The following NSD1 variants were observed in gnomAD, a reference collection of about 807,000 sequenced individuals.
NSD1 encodes histone-lysine N-methyltransferase, H3 lysine-36 specific.
In NSD1, 26 loss-of-function variants were observed where a neutral mutation model predicts 242.7. That is an observed-to-expected ratio of 0.11 (90% CI 0.08 to 0.15). The LOEUF (loss-of-function observed/expected upper bound fraction) is 0.15. Ranked by LOEUF, NSD1 falls within the 10% of genes least tolerant of loss-of-function variation. The pLI, the probability that NSD1 is intolerant of heterozygous loss-of-function variation, is 1.00. For missense variants in NSD1, 2,495 were observed against 3,272.8 expected (o/e 0.76, Z 5.80); for synonymous variants, 1,106 against 1,178.1 (o/e 0.94, Z 1.25).
At position 177,133,793 on chromosome 5, in the gene NSD1, C is replaced by G. The variant is rs961670114; in HGVS notation, c.-177C>G. 1 of 146,970 alleles carries G rather than the reference C, an allele frequency of 6.8e-6. No homozygotes were observed. The highest frequency in any genetic ancestry group is 1.5e-5 in the Non-Finnish European group (1 of 66,422). The allele number at this position is 146,970 out of a possible 1,614,324, so 9.1% of individuals were successfully genotyped here. A position where few individuals can be genotyped will look rare whatever the true frequency, so the allele number is the denominator to read the frequency against. On this transcript the variant is annotated 5_prime_UTR_variant, in exon 1 of 23. Transcript: ENST00000439151. This position sits in a 1 kb window ranked among gnomAD's most constrained non-coding sequence, Gnocchi z 6.2. The stretch of plus-strand genomic sequence containing the variant: ...AGGAGGAGGCGGCGGCGGAATAGGC[C>G]GGGGCAGGTCGCGCTCGCTGCCTTC...
intron 19 of NSD1, 37 bp from the exon 20 acceptor site, chr5:177,283,750 C>A: frequency 1.2e-6 from 2 of 1,611,268 alleles, no homozygotes; most frequent in Non-Finnish European, 8.5e-7. Flanking sequence ...GCAGAGGTCT[C>A]AGGAAGTCTG....
At chr5:177,278,422 A>T (rs781634483) in intron 17 of NSD1, among the ~76,000 whole-genome samples, 2 of 152,200 alleles carry the variant, frequency 1.3e-5, no homozygotes, top group Non-Finnish European at 2.9e-5. Context: ...CTCCTGTTAA[A>T]TGTTGATAGA....
chr5:177,240,594 T>G (rs1765779389), intron 8 of NSD1, among the ~76,000 whole-genome samples: 1 of 152,058 alleles, frequency 6.6e-6, no homozygotes, highest in Admixed American at 6.6e-5. Context: ...GCGCCTGTAG[T>G]CCCAGCTACT....
chr5:177,195,453 GTCTCTC>G (rs142942152), intron 3 of NSD1, among the ~76,000 whole-genome samples: 8 of 150,742 alleles, frequency 5.3e-5, no homozygotes, highest in Non-Finnish European at 1.0e-4. Context: ...TCATTAGGGT[GTCTCTC>G]TCTCTCTCTC....
Position 177,238,612 on chromosome 5 carries a change from A to C in NSD1, c.4192+105A>C. Reference sequence around the variant, plus strand: ...GCCAACATTGTATCTATATACAATAAACTACCCCCTTTTGTCCTGGGAAAT... The same window carrying C: ...GCCAACATTGTATCTATATACAATACACTACCCCCTTTTGTCCTGGGAAAT... On this transcript the variant is annotated intron_variant, in intron 7 of 22. Transcript: ENST00000439151. The surrounding 1 kb of genome is among the most constrained non-coding windows in gnomAD (Gnocchi z 4.6). 1.6e-6 allele frequency: 2 copies of C among 1,266,024 alleles called. No homozygotes were observed. The highest frequency in any genetic ancestry group is 2.3e-6 in the Non-Finnish European group (2 of 879,500). 78.4% of individuals were successfully genotyped at this position (1,266,024 alleles called of 1,614,324 possible).
intron 2 of NSD1, among the ~76,000 whole-genome samples, chr5:177,182,151 CA>C (rs35298464): frequency 0.28 from 33,360 of 119,334 alleles, 4,346 homozygotes; most frequent in East Asian, 0.52. Context: ...GACTCCGTCT[CA>C]AAAAAAAAAA....
chr5:177,222,626 A>G (rs74994795), intron 5 of NSD1, among the ~76,000 whole-genome samples: 3,483 of 152,192 alleles, frequency 0.023, 54 homozygotes, highest in South Asian at 0.054. Flanking sequence ...CTTTTGGGTC[A>G]TTTATGTATT....
chr5:177,221,675 C>T (rs536700831), intron 5 of NSD1, among the ~76,000 whole-genome samples: 3 of 151,796 alleles, frequency 2.0e-5, no homozygotes, highest in South Asian at 4.2e-4. Context: ...TTCACCTTGT[C>T]GGCCAGGCTG....
intron 2 of NSD1, among the ~76,000 whole-genome samples, chr5:177,176,281 T>TG (rs1285858516): frequency 2.0e-5 from 3 of 150,778 alleles, no homozygotes; most frequent in African/African-American, 7.3e-5. Flanking sequence ...TTTTTTGAGA[T>TG]GGAGTTTCAC....
At chr5:177,262,347 G>A (rs1459985631) in intron 14 of NSD1, among the ~76,000 whole-genome samples, 1 of 127,898 alleles carries the variant, frequency 7.8e-6, no homozygotes, top group African/African-American at 3.1e-5. Context: ...CATGCCTGTA[G>A]TCCCAGCTAT....
intron 2 of NSD1, among the ~76,000 whole-genome samples, chr5:177,150,170 G>C (rs1053254989): frequency 1.3e-5 from 2 of 151,784 alleles, no homozygotes; most frequent in African/African-American, 4.8e-5. Context: ...GTCTCGCTCT[G>C]TCACGCAAGC....
At chr5:177,149,218 T>G (rs983512782) in intron 2 of NSD1, among the ~76,000 whole-genome samples, 1 of 150,980 alleles carries the variant, frequency 6.6e-6, no homozygotes, top group African/African-American at 2.4e-5. Flanking sequence ...CATCTCATTA[T>G]GTTTTGTTTT....
At chr5:177,205,606 A>G (rs889208084) in intron 4 of NSD1, among the ~76,000 whole-genome samples, 5 of 151,928 alleles carry the variant, frequency 3.3e-5, no homozygotes, top group South Asian at 2.1e-4. Context: ...TACATTTATA[A>G]TGGTGTGCAA....
chr5:177,224,869 G>T (rs968867314), intron 5 of NSD1, among the ~76,000 whole-genome samples: 11 of 151,512 alleles, frequency 7.3e-5, no homozygotes, highest in Middle Eastern at 3.4e-3. Context: ...TACCTATTTT[G>T]TCACATTTGT....
chr5:177,250,562 G>GT (rs34022431), intron 11 of NSD1, among the ~76,000 whole-genome samples: 14,207 of 139,998 alleles, frequency 0.1, 1,331 homozygotes, highest in African/African-American at 0.26. Flanking sequence ...CTGAAGGTCA[G>GT]TTTTTTTTTT....
intron 18 of NSD1, among the ~76,000 whole-genome samples, chr5:177,281,427 G>A (rs1160073579): frequency 6.0e-5 from 9 of 151,058 alleles, no homozygotes; most frequent in East Asian, 1.9e-4. Flanking sequence ...ATGGGTTGGC[G>A]TTTAGTCATT....
intron 2 of NSD1, among the ~76,000 whole-genome samples, chr5:177,147,847 C>G (rs1223359700): frequency 6.6e-6 from 1 of 152,118 alleles, no homozygotes; most frequent in African/African-American, 2.4e-5. Context: ...GCATTGGCCT[C>G]CCAAAGTGCT....
Position 177,239,874 on chromosome 5 carries a change from T to G in NSD1, c.4302+9T>G, listed in dbSNP as rs1425796284. 6.7e-7 allele frequency: 1 copy of G among 1,502,970 alleles called. No homozygotes were observed. Among genetic ancestry groups the G allele is most frequent in the Admixed American group, 1.7e-5 (1 of 59,588 alleles). The allele number at this position is 1,502,970 out of a possible 1,614,324, so 93.1% of individuals were successfully genotyped here. A position where few individuals can be genotyped will look rare whatever the true frequency, so the allele number is the denominator to read the frequency against. Reference sequence around the variant, plus strand: ...TTGGCCTTTCTAAAAAGGTATGTTATTTTTGTAAGTTCTAAAAGAAATAAA... The same window carrying G: ...TTGGCCTTTCTAAAAAGGTATGTTAGTTTTGTAAGTTCTAAAAGAAATAAA... On this transcript the variant is annotated intron_variant, in intron 8 of 22. Coordinates refer to ENST00000439151, the MANE Select transcript of NSD1 (RefSeq NM_022455.5).
intron 5 of NSD1, among the ~76,000 whole-genome samples, chr5:177,226,698 T>C (rs945859342): frequency 3.9e-5 from 6 of 152,238 alleles, no homozygotes; most frequent in Non-Finnish European, 7.3e-5. Flanking sequence ...TATACTGATA[T>C]GTTCCTACTA....
Sources: gnomAD v4.1 joint callset for allele counts (sites outside exome capture counted in the v4.1 genomes callset) on GRCh38, gnomAD v4.1.1 for gene constraint, Gnocchi (gnomAD v3.1) non-coding constraint, MANE v1.5 for transcripts, NCBI Gene and HGNC (gene_info 2026-07-23, HGNC 2026-07-21) for gene names.